The following ABCD3 variants were observed in gnomAD, a reference collection of about 807,000 sequenced individuals.
ABCD3 encodes ATP binding cassette subfamily D member 3.
In ABCD3, 41 loss-of-function variants were observed where a neutral mutation model predicts 105.5. That is an observed-to-expected ratio of 0.39 (90% CI 0.30 to 0.50). ABCD3 has a LOEUF of 0.50. Among genes scored for constraint, ABCD3 ranks in the 20% least tolerant of loss-of-function variants. ABCD3 has a pLI of 0.84. For synonymous variants in ABCD3, 258 were observed against 269.0 expected (o/e 0.96, Z 0.40); for missense variants, 622 against 806.3 (o/e 0.77, Z 2.77).
chr1:94,471,387 G>A (rs575264516), intron 4 of ABCD3, among the ~76,000 whole-genome samples: 23 of 151,220 alleles, frequency 1.5e-4, no homozygotes, highest in African/African-American at 4.1e-4. Context: ...GTGAGACTTC[G>A]TCTTTACAAA....
chr1:94,392,018 A>G, the ABCD3 span, among the ~76,000 whole-genome samples: 1 of 152,162 alleles, frequency 6.6e-6, no homozygotes, highest in Non-Finnish European at 1.5e-5. Context: ...TTACTTGAGC[A>G]TGGAAAGTTG....
chr1:94,483,593 T>G (rs1169903724), intron 10 of ABCD3, among the ~76,000 whole-genome samples: 2 of 151,704 alleles, frequency 1.3e-5, no homozygotes, highest in African/African-American at 2.4e-5. Context: ...TAGCCATATG[T>G]AGAAAGCTGA....
chr1:94,511,156 T>G (rs1650650505), intron 21 of ABCD3, among the ~76,000 whole-genome samples: 1 of 152,182 alleles, frequency 6.6e-6, no homozygotes, highest in Admixed American at 6.6e-5. Flanking sequence ...TGTTTAGTGC[T>G]TCCTTCAGGA....
intron 13 of ABCD3, 66 bp downstream of exon 13, chr1:94,488,049 G>C: frequency 1.5e-6 from 2 of 1,311,328 alleles, no homozygotes; most frequent in Non-Finnish European, 2.2e-6. Context: ...CTTAATGATT[G>C]TATCAGTTGA....
chr1:94,454,826 A>G (rs1647464079), intron 1 of ABCD3, among the ~76,000 whole-genome samples: 1 of 151,826 alleles, frequency 6.6e-6, no homozygotes, highest in Non-Finnish European at 1.5e-5. Flanking sequence ...TAATTTTTAT[A>G]TTTTTAGTAG....
intron 6 of ABCD3, 121 bp from the exon 7 acceptor site, chr1:94,475,493 T>C: frequency 9.3e-7 from 1 of 1,072,814 alleles, no homozygotes; most frequent in South Asian, 1.4e-5. Flanking sequence ...TAGGATCTCT[T>C]CTGGCTCCAA....
At chr1:94,514,376 C>T (rs1289812840) in intron 21 of ABCD3, 2 of 151,788 alleles carry the variant, frequency 1.3e-5, no homozygotes, top group Non-Finnish European at 2.9e-5. Flanking sequence ...GGACAAATAT[C>T]ACTGACCTCC....
chr1:94,505,529 C>G (rs999430728), intron 20 of ABCD3, among the ~76,000 whole-genome samples: 3 of 151,832 alleles, frequency 2.0e-5, no homozygotes, highest in African/African-American at 7.3e-5. Flanking sequence ...TTTTATATAT[C>G]TGGAAATTTG....
the ABCD3 span, among the ~76,000 whole-genome samples, chr1:94,388,734 A>C: frequency 3.3e-5 from 5 of 152,218 alleles, no homozygotes; most frequent in Non-Finnish European, 7.3e-5. Flanking sequence ...TCTTAGCCTG[A>C]GTCCTCCAAA....
chr1:94,432,511 A>G (rs1480719503), intron 1 of ABCD3: 1 of 152,210 alleles, frequency 6.6e-6, no homozygotes, highest in Non-Finnish European at 1.5e-5. Flanking sequence ...TATTTTAGAC[A>G]TTGTTCTAAA....
the ABCD3 span, among the ~76,000 whole-genome samples, chr1:94,390,918 C>T: frequency 6.6e-6 from 1 of 152,182 alleles, no homozygotes; most frequent in Non-Finnish European, 1.5e-5. Flanking sequence ...CCCATTCTAA[C>T]TGGAGCATAA....
At chr1:94,484,774 TTAAAG>T (rs1322101520) in intron 10 of ABCD3, among the ~76,000 whole-genome samples, 10 of 152,138 alleles carry the variant, frequency 6.6e-5, no homozygotes, top group Non-Finnish European at 1.2e-4. Flanking sequence ...ACCCTAGAAC[TTAAAG>T]TATAATCAAA....
At chr1:94,401,587 C>T in the ABCD3 span, among the ~76,000 whole-genome samples, 1 of 152,148 alleles carries the variant, frequency 6.6e-6, no homozygotes, top group Non-Finnish European at 1.5e-5. Flanking sequence ...TTTTCAGATA[C>T]CTTAGGTCTT....
intron 21 of ABCD3, chr1:94,514,835 A>G (rs965941753): frequency 3.3e-6 from 1 of 298,644 alleles, no homozygotes; most frequent in South Asian, 4.8e-5. Context: ...ACCTTTGGCT[A>G]TTTTTATCCT....
At chr1:94,491,344 T>G (rs1408714064) in intron 16 of ABCD3, 97 bp downstream of exon 16, 5 of 897,238 alleles carry the variant, frequency 5.6e-6, no homozygotes, top group Non-Finnish European at 8.9e-6. Flanking sequence ...AAGGCTCGAC[T>G]TAGTCTCTGA....
chr1:94,418,611 A>C (rs1033582925), intron 1 of ABCD3, 23 bp downstream of exon 1: 21 of 1,575,252 alleles, frequency 1.3e-5, no homozygotes, highest in Non-Finnish European at 1.8e-5. Context: ...GTAGCCGTGC[A>C]GCTTTCCCGG....
the ABCD3 span, among the ~76,000 whole-genome samples, chr1:94,388,294 C>T: frequency 6.6e-5 from 10 of 152,106 alleles, no homozygotes; most frequent in African/African-American, 2.2e-4. Context: ...TATTGCCACC[C>T]GCACAAAGAT....
chr1:94,505,730 C>T (rs1650321053), intron 20 of ABCD3, among the ~76,000 whole-genome samples: 1 of 152,012 alleles, frequency 6.6e-6, no homozygotes, highest in Admixed American at 6.6e-5. Context: ...GAGAAAGGAT[C>T]CTCAGAAGTA....
chr1:94,393,729 A>G, the ABCD3 span, among the ~76,000 whole-genome samples: 285 of 152,330 alleles, frequency 1.9e-3, no homozygotes, highest in African/African-American at 6.3e-3. Flanking sequence ...ATATATATTC[A>G]GTAAGAATAA....
Sources: gnomAD v4.1 joint callset for allele counts (sites outside exome capture counted in the v4.1 genomes callset) on GRCh38, gnomAD v4.1.1 for gene constraint, MANE v1.5 for transcripts, NCBI Gene and HGNC (gene_info 2026-07-23, HGNC 2026-07-21) for gene names.